Variants in MRGBP observed in about 807,000 individuals in gnomAD.
MRGBP encodes the protein MRG domain binding protein, also known as MRG/MORF4L-binding protein.
A neutral mutation model predicts 21.5 loss-of-function variants in MRGBP; 5 were observed. That is an observed-to-expected ratio of 0.23 (90% CI 0.12 to 0.49). The LOEUF is 0.49. Among genes scored for constraint, MRGBP ranks in the 20% least tolerant of loss-of-function variants. The pLI, the probability that MRGBP is intolerant of heterozygous loss-of-function variation, is 0.98. For synonymous variants in MRGBP, 118 were observed against 104.4 expected (o/e 1.13, Z -0.79); for missense variants, 227 against 277.4 (o/e 0.82, Z 1.29).
intron 1 of MRGBP, among the ~76,000 whole-genome samples, chr20:62,796,885 G>A (rs1460810437): frequency 1.9e-5 from 2 of 104,432 alleles, no homozygotes; most frequent in Non-Finnish European, 3.8e-5. Context: ...CCGTGAGACC[G>A]CGAGGTCCCA....
At chr20:62,798,700 C>T (rs778614608) in intron 3 of MRGBP, 32 bp downstream of exon 3, 2 of 1,608,208 alleles carry the variant, frequency 1.2e-6, no homozygotes, top group African/African-American at 2.7e-5. Context: ...GCTTGGGATT[C>T]AGAAAAGGCC....
Position 62,796,501 on chromosome 20 carries a change from C to T in MRGBP, c.-23C>T, listed in dbSNP as rs529012999. 755 of 1,131,006 alleles carry T rather than the reference C, an allele frequency of 6.7e-4. 18 individuals are homozygous for T. The South Asian group carries it at 0.027, about 41-fold the overall frequency. The allele number at this position is 1,131,006 out of a possible 1,614,324, so 70.1% of individuals were successfully genotyped here. A position where few individuals can be genotyped will look rare whatever the true frequency, so the allele number is the denominator to read the frequency against. On this transcript the variant is annotated 5_prime_UTR_variant, in exon 1 of 5. Coordinates refer to ENST00000370487, the MANE Select transcript of MRGBP (RefSeq NM_018270.6). ...GCCGCGCCTGCTCCCGCCGGGGGCT[C>T]CTTGCTCGGCCGGGCCGCGGCCATG...
intron 2 of MRGBP, among the ~76,000 whole-genome samples, chr20:62,798,349 C>T (rs1391606491): frequency 6.6e-6 from 1 of 152,214 alleles, no homozygotes; most frequent in African/African-American, 2.4e-5. Flanking sequence ...TTCCTGACTC[C>T]TGCATCTGCT....
In MRGBP at chr20:62,798,567, A is replaced by C. The variant is rs2147175158; in HGVS notation, c.271-20A>C. On this transcript the variant is annotated intron_variant, in intron 2 of 4. Transcript: ENST00000370487. ...ATCTTCACCCTTGTTTCTTAAACAAAACTCTCTATTTGATATCAGCATGAG... is the reference window on the plus strand; with the variant it reads ...ATCTTCACCCTTGTTTCTTAAACAACACTCTCTATTTGATATCAGCATGAG... 3 of 1,606,212 alleles carry C rather than the reference A, an allele frequency of 1.9e-6. No individual in the cohort carries two copies. The highest frequency in any genetic ancestry group is 2.6e-6 in the Non-Finnish European group (3 of 1,173,286).
intron 3 of MRGBP, 123 bp downstream of exon 3, chr20:62,798,791 C>T: frequency 1.3e-6 from 2 of 1,577,562 alleles, no homozygotes; most frequent in Middle Eastern, 1.9e-4. Flanking sequence ...CAGACCCCGC[C>T]CTACCTGTGC....
intron 1 of MRGBP, among the ~76,000 whole-genome samples, 178 bp downstream of exon 1, chr20:62,796,849 C>G (rs1233468758): frequency 7.2e-6 from 1 of 139,352 alleles, no homozygotes; most frequent in African/African-American, 2.7e-5. Context: ...GGACCCCGCC[C>G]CGGACCCCGC....
rs1419568206 is a variant in MRGBP at position 62,800,974 on chromosome 20, T to C, written c.*1331T>C. The C allele has an allele frequency of 6.6e-6, 1 of 152,164 alleles. No individual in the cohort carries two copies. The highest frequency in any genetic ancestry group is 1.5e-5 in the Non-Finnish European group (1 of 68,036). 9.4% of individuals were successfully genotyped at this position (152,164 alleles called of 1,614,324 possible). The stretch of plus-strand genomic sequence containing the variant: ...GCCATCGCACCCCAATGTCTTCAGC[T>C]TGACGTTGCTTCTCTGCCAGTGGAG... On this transcript the variant is annotated 3_prime_UTR_variant, in exon 5 of 5. Coordinates refer to ENST00000370487, the MANE Select transcript of MRGBP (RefSeq NM_018270.6).
rs1990415919 is a variant in MRGBP at position 62,799,699 on chromosome 20, G to C, written c.*56G>C. ...GGCGAGGCACTGTGGTCGCTGAGGG[G>C]GTTGGCTGGGTCTGAGTGCCACCCC... On this transcript the variant is annotated 3_prime_UTR_variant, in exon 5 of 5. Transcript: ENST00000370487. 1.9e-6 allele frequency: 3 copies of C among 1,550,044 alleles called. No homozygotes were observed. Among genetic ancestry groups the C allele is most frequent in the Non-Finnish European group, 2.6e-6 (3 of 1,148,318 alleles).
intron 2 of MRGBP, 39 bp from the exon 3 acceptor site, chr20:62,798,548 A>C: frequency 6.4e-7 from 1 of 1,565,316 alleles, no homozygotes; most frequent in Non-Finnish European, 8.8e-7. Context: ...CTGCATCTTC[A>C]CCCTTGTTTC....
intron 4 of MRGBP, 21 bp downstream of exon 4, chr20:62,799,070 G>A (rs1360148074): frequency 2.5e-6 from 4 of 1,596,342 alleles, no homozygotes; most frequent in Non-Finnish European, 3.4e-6. Context: ...AGCTCACCCT[G>A]CCCTGATGCC....
At position 62,798,955 on chromosome 20, in the gene MRGBP, G is replaced by A. The variant is rs562342206; in HGVS notation, c.353-20G>A. 2.0e-5 allele frequency: 32 copies of A among 1,613,232 alleles called. No individual in the cohort carries two copies. Among genetic ancestry groups the A allele is most frequent in the Non-Finnish European group, 2.4e-5 (28 of 1,179,894 alleles). On this transcript the variant is annotated intron_variant, in intron 3 of 4. Coordinates refer to ENST00000370487, the MANE Select transcript of MRGBP (RefSeq NM_018270.6). ...CCACCACCGTGGGTTTTCGGTGAGCGTCAGCTGTCTCCTCCACAGGAAAAG... is the reference window on the plus strand; with the variant it reads ...CCACCACCGTGGGTTTTCGGTGAGCATCAGCTGTCTCCTCCACAGGAAAAG...
chr20:62,798,837 CTTTG>C (rs1465347350), intron 3 of MRGBP, 134 bp from the exon 4 acceptor site: 75 of 1,573,318 alleles, frequency 4.8e-5, no homozygotes, highest in Non-Finnish European at 6.0e-5. Context: ...TTGGAGAGGA[CTTTG>C]TTTGAGAGCA....
chr20:62,798,595 T>C lies in MRGBP; in HGVS notation c.279T>C (p.Ser93=). 1.2e-6 allele frequency: 2 copies of C among 1,610,454 alleles called. No individual in the cohort carries two copies. The highest frequency in any genetic ancestry group is 1.7e-6 in the Non-Finnish European group (2 of 1,176,918). ...TCTCTATTTGATATCAGCATGAGTC[T>C]GAGATTCTTCCATTCCCGAATCCAG... is the stretch of plus-strand genomic sequence containing the variant. The part of the protein sequence containing the change: ...TMYDMQALHE[S]EILPFPNPER... The change falls in exon 3 of 5, where the codon TCT becomes TCC. Residue 93 remains serine, a synonymous_variant. Coordinates refer to ENST00000370487, the MANE Select transcript of MRGBP (RefSeq NM_018270.6).
chr20:62,799,128 G>A (rs1241342563), intron 4 of MRGBP, 79 bp downstream of exon 4: 1 of 1,459,862 alleles, frequency 6.8e-7, no homozygotes, highest in African/African-American at 1.4e-5. Context: ...GGCACAGTCA[G>A]GTGGGCGTAG....
chr20:62,796,826 C>T (rs2147173924), intron 1 of MRGBP, among the ~76,000 whole-genome samples, 155 bp downstream of exon 1: 2 of 143,390 alleles, frequency 1.4e-5, no homozygotes, highest in Middle Eastern at 3.5e-3. Context: ...CCGCCCCCTC[C>T]CACGCGCCCT....
At chr20:62,798,486 T>C in intron 2 of MRGBP, 101 bp from the exon 3 acceptor site, 3 of 919,092 alleles carry the variant, frequency 3.3e-6, no homozygotes, top group Non-Finnish European at 5.4e-6. Context: ...TGATGTGTGC[T>C]CATTGGCCTC....
At chr20:62,798,734 G>A in intron 3 of MRGBP, 66 bp downstream of exon 3, 5 of 1,595,978 alleles carry the variant, frequency 3.1e-6, no homozygotes, top group East Asian at 2.2e-5. Context: ...GGGCAGGGAG[G>A]TGAGGGTGAG....
chr20:62,798,941 G>C (rs1341148833), intron 3 of MRGBP, 34 bp from the exon 4 acceptor site: 1 of 1,612,922 alleles, frequency 6.2e-7, no homozygotes, highest in African/African-American at 1.3e-5. Context: ...CACCACCGTG[G>C]GTTTTCGGTG....
intron 3 of MRGBP, 61 bp from the exon 4 acceptor site, chr20:62,798,914 C>G (rs572079326): frequency 3.1e-6 from 5 of 1,608,898 alleles, no homozygotes; most frequent in Non-Finnish European, 4.2e-6. Flanking sequence ...CTGGCCTGAC[C>G]ATCCCCCAGC....
Sources: gnomAD v4.1 joint callset for allele counts (sites outside exome capture counted in the v4.1 genomes callset) on GRCh38, gnomAD v4.1.1 for gene constraint, MANE v1.5 for transcripts, NCBI Gene and HGNC (gene_info 2026-07-23, HGNC 2026-07-21) for gene names.